METRNL: variants seen among roughly 807,000 people sequenced by gnomAD.
METRNL encodes meteorin like, glial cell differentiation regulator.
A neutral mutation model predicts 17.4 loss-of-function variants in METRNL; 9 were observed. The observed-to-expected ratio is 0.52, with a 90% confidence interval of 0.31 to 0.90. The LOEUF (loss-of-function observed/expected upper bound fraction) is 0.90. Ranked by LOEUF, METRNL falls within the 40% of genes least tolerant of loss-of-function variation. The pLI, the probability that METRNL is intolerant of heterozygous loss-of-function variation, is 0.05. For missense variants in METRNL, 408 were observed against 430.7 expected (o/e 0.95, Z 0.47); for synonymous variants, 215 against 199.3 (o/e 1.08, Z -0.66).
chr17:83,082,463 C>A (rs1045327423), intron 1 of METRNL, among the ~76,000 whole-genome samples: 2 of 152,236 alleles, frequency 1.3e-5, no homozygotes, highest in Non-Finnish European at 2.9e-5. Context: ...GTAACCCTTG[C>A]TGACTTTTAA....
In METRNL at chr17:83,094,456, G is replaced by A; in HGVS notation, c.817G>A (p.Gly273Ser). ...RPGHGDFLFT[G>S]HMHFGEARLG... ...GGGGCATGGCGACTTCCTCTTCACT[G>A]GCCACATGCACTTCGGGGAGGCGCG... is the stretch of plus-strand genomic sequence containing the variant. The change falls in exon 4 of 4, where the codon GGC (glycine) becomes AGC (serine). Residue 273 changes from glycine to serine, a missense_variant. Gly to Ser is a moderately conservative substitution (Grantham distance 56). Transcript: ENST00000320095. 1 of 1,593,050 alleles carries A rather than the reference G, an allele frequency of 6.3e-7. No homozygotes were observed.
chr17:83,091,463 C>T (rs888751451), intron 2 of METRNL, among the ~76,000 whole-genome samples: 1 of 152,234 alleles, frequency 6.6e-6, no homozygotes, highest in Non-Finnish European at 1.5e-5. Context: ...ACCGTAGACT[C>T]CAGGGTCTCC....
intron 2 of METRNL, among the ~76,000 whole-genome samples, chr17:83,090,646 AG>A (rs1249511793): frequency 6.7e-6 from 1 of 149,802 alleles, no homozygotes; most frequent in Non-Finnish European, 1.5e-5. Flanking sequence ...CTGCTCAGTG[AG>A]GGGACCCTCG....
At position 83,095,105 on chromosome 17, in the gene METRNL, AAG is replaced by A. The variant is rs1436978625; in HGVS notation, c.*532_*533del. The stretch of plus-strand genomic sequence containing the variant: ...CCGGTTGTTTCCGTTCCCGAGAATA[AAG>A]ACGAGGATCCGACCAGCCAGAAGCC... On this transcript the variant is annotated 3_prime_UTR_variant, in exon 4 of 4. Transcript: ENST00000320095. 1.3e-5 allele frequency: 2 copies of A among 152,340 alleles called. No homozygotes were observed. Among genetic ancestry groups the A allele is most frequent in the African/African-American group, 2.4e-5 (1 of 41,448 alleles). 9.4% of individuals were successfully genotyped at this position (152,340 alleles called of 1,614,324 possible). A position where few individuals can be genotyped will look rare whatever the true frequency, so the allele number is the denominator to read the frequency against.
chr17:83,081,361 G>A (rs1372609137), intron 1 of METRNL, among the ~76,000 whole-genome samples: 1 of 151,840 alleles, frequency 6.6e-6, no homozygotes, highest in Non-Finnish European at 1.5e-5. Context: ...AGCCAGAAAC[G>A]CCGCCCCCGC....
chr17:83,088,687 C>T (rs1466432589), intron 2 of METRNL, among the ~76,000 whole-genome samples: 2 of 152,076 alleles, frequency 1.3e-5, no homozygotes, highest in Non-Finnish European at 2.9e-5. Flanking sequence ...AGTCCTGCAG[C>T]GTCTCAGGGG....
chr17:83,080,039 C>G lies in METRNL; in HGVS notation c.170+54C>G, dbSNP rs561240041. The G allele has an allele frequency of 6.1e-4, 600 of 985,550 alleles. 6 individuals carry two copies. The African/African-American group carries it at 9.7e-3, about 16-fold the overall frequency. 61.1% of individuals were successfully genotyped at this position (985,550 alleles called of 1,614,324 possible). On this transcript the variant is annotated intron_variant, in intron 1 of 3. Transcript: ENST00000320095. ...GGCCCCCTCCCCTCGCGTCCCCTCC[C>G]GTCCCGGGCCGGCCGAGCGTGCGGG... is the stretch of plus-strand genomic sequence containing the variant.
At chr17:83,092,207 C>T (rs2038146299) in intron 2 of METRNL, among the ~76,000 whole-genome samples, 3 of 152,322 alleles carry the variant, frequency 2.0e-5, no homozygotes, top group Admixed American at 1.3e-4. Context: ...CACCTCATCC[C>T]GCGGCCAGGT....
chr17:83,094,596 C>A lies in METRNL; in HGVS notation c.*21C>A. ...ACTGACTCCGTGGGCCGCTGCCCTT[C>A]CTCTCCTGATGAGTCACAGGCTGCG... On this transcript the variant is annotated 3_prime_UTR_variant, in exon 4 of 4. Coordinates refer to ENST00000320095, the MANE Select transcript of METRNL (RefSeq NM_001004431.3). The A allele has an allele frequency of 7.0e-7, 1 of 1,432,544 alleles. No individual in the cohort carries two copies. The highest frequency in any genetic ancestry group is 1.5e-5 in the South Asian group (1 of 65,112). The allele number at this position is 1,432,544 out of a possible 1,614,324, so 88.7% of individuals were successfully genotyped here.
intron 2 of METRNL, among the ~76,000 whole-genome samples, chr17:83,088,884 AGAG>A (rs2038083022): frequency 1.3e-5 from 2 of 152,172 alleles, no homozygotes; most frequent in Admixed American, 6.5e-5. Context: ...TCCTGGAAGT[AGAG>A]GAGAGGGGCT....
At chr17:83,093,650 C>T (rs923331166) in intron 3 of METRNL, among the ~76,000 whole-genome samples, 5 of 152,176 alleles carry the variant, frequency 3.3e-5, no homozygotes, top group Non-Finnish European at 5.9e-5. Context: ...AGGCCCCCGG[C>T]GGCTCTGCGG....
chr17:83,090,050 G>T (rs1378617114), intron 2 of METRNL, among the ~76,000 whole-genome samples: 1 of 151,998 alleles, frequency 6.6e-6, no homozygotes, highest in East Asian at 1.9e-4. Flanking sequence ...AAGTGCTAGG[G>T]CTTGCATACC....
intron 2 of METRNL, among the ~76,000 whole-genome samples, chr17:83,086,424 T>C (rs2038053517): frequency 6.6e-6 from 1 of 152,202 alleles, no homozygotes; most frequent in Non-Finnish European, 1.5e-5. Flanking sequence ...TGTGGTTGGT[T>C]GCACGCTGGA....
intron 2 of METRNL, among the ~76,000 whole-genome samples, chr17:83,089,319 A>G (rs916008324): frequency 3.9e-5 from 6 of 151,944 alleles, no homozygotes; most frequent in African/African-American, 7.3e-5. Context: ...CTACCCCGTC[A>G]CCACCTGTGT....
chr17:83,086,636 A>G (rs571122917), intron 2 of METRNL, among the ~76,000 whole-genome samples: 32 of 152,316 alleles, frequency 2.1e-4, no homozygotes, highest in African/African-American at 7.7e-4. Flanking sequence ...GGAACTTGCA[A>G]ACATTCTTTC....
At chr17:83,084,750 C>T (rs747128498) in intron 1 of METRNL, 188 bp from the exon 2 acceptor site, 3 of 675,164 alleles carry the variant, frequency 4.4e-6, no homozygotes, top group Non-Finnish European at 7.4e-6. Context: ...GGCCCTTGTG[C>T]CGAAGGGCGG....
intron 1 of METRNL, chr17:83,082,244 A>G: frequency 1.0e-6 from 1 of 985,428 alleles, no homozygotes; most frequent in Non-Finnish European, 1.2e-6. Flanking sequence ...TGGGGAAAGG[A>G]AAGTTAACCT....
chr17:83,087,089 C>T (rs776414577), intron 2 of METRNL, among the ~76,000 whole-genome samples: 10 of 152,186 alleles, frequency 6.6e-5, no homozygotes, highest in Non-Finnish European at 8.8e-5. Context: ...AGGCATTCGG[C>T]GGTGGGTCCT....
chr17:83,086,597 G>C (rs868317644), intron 2 of METRNL, among the ~76,000 whole-genome samples: 1 of 152,306 alleles, frequency 6.6e-6, no homozygotes, highest in Middle Eastern at 3.4e-3. Context: ...CTTTCTAACC[G>C]GAGGTAGAAG....
Sources: gnomAD v4.1 joint callset for allele counts (sites outside exome capture counted in the v4.1 genomes callset) on GRCh38, gnomAD v4.1.1 for gene constraint, MANE v1.5 for transcripts, NCBI Gene and HGNC (gene_info 2026-07-23, HGNC 2026-07-21) for gene names.